Variants in P4HA1 observed in about 807,000 individuals in gnomAD.
P4HA1 encodes prolyl 4-hydroxylase subunit alpha-1.
A neutral mutation model predicts 72.8 loss-of-function variants in P4HA1; 24 were observed. The ratio of observed to expected loss-of-function variants is 0.33; its 90% CI spans 0.24 to 0.46. P4HA1 has a LOEUF of 0.46. Ranked by LOEUF, P4HA1 falls within the 20% of genes least tolerant of loss-of-function variation. The probability of loss-of-function intolerance (pLI) is 1.00; values close to 1 mark genes in which losing one functional copy is unlikely to be tolerated. For synonymous variants in P4HA1, 201 were observed against 218.8 expected (o/e 0.92, Z 0.72); for missense variants, 446 against 640.6 (o/e 0.70, Z 3.28).
intron 10 of P4HA1, among the ~76,000 whole-genome samples, chr10:73,018,707 G>A (rs150351211): frequency 6.6e-6 from 1 of 151,902 alleles, no homozygotes; most frequent in African/African-American, 2.4e-5. Context: ...GCTCCTAATA[G>A]AGCCAAACCC....
At chr10:73,093,121 TA>T (rs200388165) in intron 1 of P4HA1, among the ~76,000 whole-genome samples, 17,637 of 135,190 alleles carry the variant, frequency 0.13, 1,459 homozygotes, top group East Asian at 0.3. Flanking sequence ...TCCTATCTCT[TA>T]AAAAAAAAAA....
chr10:73,049,128 A>AAAAAAGAAG (rs144626644), intron 7 of P4HA1, among the ~76,000 whole-genome samples: 1 of 151,000 alleles, frequency 6.6e-6, no homozygotes, highest in African/African-American at 2.5e-5. Context: ...GAGAAAAAAA[A>AAAAAAGAAG]AAGAAAATAA....
chr10:73,087,937 T>TGA (rs138398222), intron 1 of P4HA1, among the ~76,000 whole-genome samples: 7,736 of 152,298 alleles, frequency 0.051, 600 homozygotes, highest in African/African-American at 0.17. Flanking sequence ...ATCAGTTTGT[T>TGA]CATTTATGAA....
chr10:73,021,382 G>A (rs1471707884), intron 10 of P4HA1, among the ~76,000 whole-genome samples: 2 of 152,108 alleles, frequency 1.3e-5, no homozygotes, highest in Non-Finnish European at 2.9e-5. Context: ...TTTATTGCAG[G>A]ACTATTCACA....
At chr10:73,081,271 CAAG>C (rs1233454263) in intron 1 of P4HA1, among the ~76,000 whole-genome samples, 9 of 151,968 alleles carry the variant, frequency 5.9e-5, no homozygotes, top group Non-Finnish European at 1.2e-4. Context: ...AAAGAAAACC[CAAG>C]AAGAGTCAAA....
intron 5 of P4HA1, among the ~76,000 whole-genome samples, chr10:73,066,544 G>T (rs751403458): frequency 6.6e-6 from 1 of 152,034 alleles, no homozygotes; most frequent in East Asian, 1.9e-4. Flanking sequence ...TGAGATAGGG[G>T]TCTCACTCTG....
chr10:73,053,305 A>C, intron 6 of P4HA1, 46 bp downstream of exon 6: 2 of 1,544,238 alleles, frequency 1.3e-6, no homozygotes, highest in Non-Finnish European at 1.8e-6. Flanking sequence ...GAGAATATAT[A>C]TCCCTCAATA....
chr10:73,070,506 T>C (rs1841534297), intron 4 of P4HA1, among the ~76,000 whole-genome samples: 1 of 152,128 alleles, frequency 6.6e-6, no homozygotes, highest in Non-Finnish European at 1.5e-5. Context: ...CATATTTTTA[T>C]GCTGTTTTGT....
intron 3 of P4HA1, among the ~76,000 whole-genome samples, chr10:73,072,476 A>C (rs1841587040): frequency 1.3e-5 from 2 of 152,210 alleles, no homozygotes; most frequent in African/African-American, 4.8e-5. Context: ...AAAGTCTAAA[A>C]ATTTTAGACT....
At chr10:73,021,692 C>T (rs1236922687) in intron 10 of P4HA1, among the ~76,000 whole-genome samples, 1 of 152,198 alleles carries the variant, frequency 6.6e-6, no homozygotes, top group Non-Finnish European at 1.5e-5. Context: ...GGGGCATCGC[C>T]TCACCCAGGA....
rs560814514 is a variant in P4HA1 at position 73,015,091 on chromosome 10, A to G, written c.1303-802T>C. 9.9e-5 allele frequency among the ~76,000 whole-genome samples: 15 copies of G among 152,182 alleles called. 1 individual carries two copies. Among genetic ancestry groups the G allele is most frequent in the Admixed American group, 7.2e-4 (11 of 15,276 alleles). On this transcript the variant is annotated intron_variant, in intron 11 of 14. Coordinates refer to ENST00000394890, the MANE Select transcript of P4HA1 (RefSeq NM_001017962.3). ...AGTGATCCACCCACCTTGGCCTCCCAAAGTGCTGGGATTACAGGCATGAGC... is the reference window on the plus strand; with the variant it reads ...AGTGATCCACCCACCTTGGCCTCCCGAAGTGCTGGGATTACAGGCATGAGC...
chr10:73,056,253 T>C lies in P4HA1; in HGVS notation c.464-2663A>G, dbSNP rs77239558. On this transcript the variant is annotated intron_variant, in intron 5 of 14. Transcript: ENST00000394890. The stretch of plus-strand genomic sequence containing the variant: ...TATATAGGCAGATATATCAATTTAA[T>C]GGAATAGCATTTTTCATTAAGAAAG... Among the ~76,000 whole-genome samples the C allele has an allele frequency of 2.1e-3, 326 of 152,250 alleles. 8 individuals carry two copies. In the East Asian group the frequency reaches 0.057, roughly 27 times the overall value.
At chr10:73,028,773 A>G (rs1325241527) in intron 10 of P4HA1, among the ~76,000 whole-genome samples, 2 of 149,850 alleles carry the variant, frequency 1.3e-5, no homozygotes, top group African/African-American at 4.9e-5. Flanking sequence ...GGCCAGACAC[A>G]GTGGCTCATG....
intron 10 of P4HA1, among the ~76,000 whole-genome samples, chr10:73,019,041 A>G (rs530993680): frequency 1.3e-5 from 2 of 150,744 alleles, no homozygotes; most frequent in South Asian, 4.1e-4. Context: ...AAGACCTGCC[A>G]CCAAGAAGAC....
chr10:73,027,826 GAGAGA>G (rs1840323338), intron 10 of P4HA1, among the ~76,000 whole-genome samples: 2 of 122,168 alleles, frequency 1.6e-5, no homozygotes, highest in African/African-American at 6.2e-5. Context: ...GGAAGGGAGA[GAGAGA>G]GGAAGGAAGG....
chr10:73,084,449 A>G (rs1841884563), intron 1 of P4HA1, among the ~76,000 whole-genome samples: 1 of 152,082 alleles, frequency 6.6e-6, no homozygotes, highest in Non-Finnish European at 1.5e-5. Context: ...TTGTGCCACC[A>G]CGACCGGCCA....
chr10:73,084,013 TAG>T (rs1841876086), intron 1 of P4HA1, among the ~76,000 whole-genome samples: 1 of 152,152 alleles, frequency 6.6e-6, no homozygotes, highest in Non-Finnish European at 1.5e-5. Context: ...AGATAAATCA[TAG>T]AGTTAGCAAA....
chr10:73,095,227 TA>T (rs35159575), intron 1 of P4HA1, among the ~76,000 whole-genome samples: 6,895 of 67,112 alleles, frequency 0.1, 192 homozygotes, highest in African/African-American at 0.13. Context: ...GCTCACAAGC[TA>T]AAAAAAAAAA....
chr10:73,095,251 AAAAT>A, intron 1 of P4HA1, among the ~76,000 whole-genome samples: 1 of 148,298 alleles, frequency 6.7e-6, no homozygotes, highest in South Asian at 2.2e-4. Flanking sequence ...AAAAAAAAAA[AAAAT>A]CACGGGGTGT....
Sources: gnomAD v4.1 joint callset for allele counts (sites outside exome capture counted in the v4.1 genomes callset) on GRCh38, gnomAD v4.1.1 for gene constraint, MANE v1.5 for transcripts, NCBI Gene and HGNC (gene_info 2026-07-23, HGNC 2026-07-21) for gene names.